Variants in PC observed in about 807,000 individuals in gnomAD.
PC encodes the protein pyruvate carboxylase, mitochondrial.
PC carries 46 observed loss-of-function variants against 107.8 expected under a neutral mutation model. The ratio of observed to expected loss-of-function variants is 0.43; its 90% CI spans 0.34 to 0.55. PC has a LOEUF of 0.55. Ranked by LOEUF, PC falls within the 20% of genes least tolerant of loss-of-function variation. PC has a pLI of 0.04. For missense variants in PC, 1,241 were observed against 1,643.1 expected (o/e 0.76, Z 4.23); for synonymous variants, 662 against 684.7 (o/e 0.97, Z 0.52).
Position 66,945,735 on chromosome 11 carries a change from A to G in PC, c.-1+6695T>C, listed in dbSNP as rs555343664. ...TAAGCTTCTCTAATTCCAGGAAAATATTAGATTAAATATAGACAAGGCTAG... is the reference window on the plus strand; with the variant it reads ...TAAGCTTCTCTAATTCCAGGAAAATGTTAGATTAAATATAGACAAGGCTAG... On this transcript the variant is annotated intron_variant, in intron 3 of 22. Coordinates refer to ENST00000393960, the MANE Select transcript of PC (RefSeq NM_001040716.2). 8.2e-4 allele frequency among the ~76,000 whole-genome samples: 98 copies of G among 119,004 alleles called. 31 individuals are homozygous for G. Among genetic ancestry groups the G allele is most frequent in the Admixed American group, 3.4e-3 (43 of 12,608 alleles). 78.1% of individuals were successfully genotyped at this position (119,004 alleles called of 152,430 possible).
At position 66,955,541 on chromosome 11, in the gene PC, T is replaced by C. The variant is rs990532492; in HGVS notation, c.-227-1105A>G. On this transcript the variant is annotated intron_variant, in intron 1 of 22. Transcript: ENST00000393960. The stretch of plus-strand genomic sequence containing the variant: ...AGGCGTTATGACACATGAGGGTACA[T>C]TGGGGTAAACTGAGGAAACTTTGGA... Among the ~76,000 whole-genome samples, 4 of 152,218 alleles carry C rather than the reference T, an allele frequency of 2.6e-5. 1 individual carries two copies. Among genetic ancestry groups the C allele is most frequent in the South Asian group, 2.1e-4 (1 of 4,820 alleles).
rs951578890 is a variant in PC, at chr11:66,866,541, G to C, written c.1023-192C>G. On this transcript the variant is annotated intron_variant, in intron 10 of 22. Transcript: ENST00000393960. The surrounding 1 kb of genome is among the most constrained non-coding windows in gnomAD (Gnocchi z 5.4). ...CACCAGCCCCTGCCCTGCTCCCGCC[G>C]GGAGCCGACTAAACTACACAGTGCC... 6.6e-6 allele frequency among the ~76,000 whole-genome samples: 1 copy of C among 152,136 alleles called. No individual in the cohort carries two copies. Among genetic ancestry groups the C allele is most frequent in the African/African-American group, 2.4e-5 (1 of 41,434 alleles).
intron 12 of PC, chr11:66,860,260 CG>C (rs1565229877): frequency 6.5e-6 from 10 of 1,534,874 alleles, no homozygotes; most frequent in African/African-American, 1.4e-5. Context: ...CCGGGGCCGC[CG>C]CCTGGCCTGG....
At chr11:66,939,804 C>CA (rs56761659) in intron 3 of PC, among the ~76,000 whole-genome samples, 19,356 of 40,118 alleles carry the variant, frequency 0.48, 3,737 homozygotes, top group Non-Finnish European at 0.52. Context: ...AACTCCGTCT[C>CA]AAAAAAAAAA....
At chr11:66,860,235 CGTG>C (rs1565229829) in intron 12 of PC, 1 of 1,538,996 alleles carries the variant, frequency 6.5e-7, no homozygotes, top group Admixed American at 2.0e-5. Context: ...GGATGAGCCT[CGTG>C]GGGCAGAGGG....
At chr11:66,878,298 A>G (rs928109317) in intron 3 of PC, among the ~76,000 whole-genome samples, 4 of 152,162 alleles carry the variant, frequency 2.6e-5, no homozygotes, top group African/African-American at 4.8e-5. Context: ...CTGCGACCAC[A>G]GGGGCACTTA....
At position 66,866,366 on chromosome 11, in the gene PC, G is replaced by A. The variant is rs762281683; in HGVS notation, c.1023-17C>T. The A allele has an allele frequency of 1.9e-6, 3 of 1,602,342 alleles. No individual in the cohort carries two copies. In the South Asian group the frequency reaches 3.3e-5, roughly 18 times the overall value. On this transcript the variant is annotated splice_polypyrimidine_tract_variant and intron_variant, in intron 10 of 22. Transcript: ENST00000393960. The surrounding 1 kb of genome is among the most constrained non-coding windows in gnomAD (Gnocchi z 5.4). ...AGGTCTACGCTGTAGGGCATTGGGG[G>A]GAGGGGGGAAAGGACGGGAGAAAGG... is the stretch of plus-strand genomic sequence containing the variant.
intron 3 of PC, among the ~76,000 whole-genome samples, chr11:66,948,518 C>T (rs1220868761): frequency 6.6e-6 from 1 of 152,138 alleles, no homozygotes; most frequent in Non-Finnish European, 1.5e-5. Context: ...TAAATATGTG[C>T]AACTTATTAT....
intron 18 of PC, 102 bp from the exon 19 acceptor site, chr11:66,850,566 G>A: frequency 5.0e-6 from 8 of 1,604,168 alleles, no homozygotes; most frequent in Non-Finnish European, 6.8e-6. Flanking sequence ...ACAGAAGGCG[G>A]CAAGGCCAGA....
chr11:66,938,711 T>C (rs1162587292), intron 3 of PC, among the ~76,000 whole-genome samples: 2 of 152,192 alleles, frequency 1.3e-5, no homozygotes, highest in Non-Finnish European at 1.5e-5. Flanking sequence ...TGTTTTATAA[T>C]ATATATTTTT....
intron 3 of PC, among the ~76,000 whole-genome samples, chr11:66,927,280 G>A (rs1948739549): frequency 6.8e-6 from 1 of 146,844 alleles, no homozygotes; most frequent in Non-Finnish European, 1.5e-5. Flanking sequence ...TCAAGGACTT[G>A]AACTCAGCAG....
chr11:66,948,766 G>A (rs1949367560), intron 3 of PC, among the ~76,000 whole-genome samples: 2 of 152,014 alleles, frequency 1.3e-5, no homozygotes, highest in African/African-American at 4.8e-5. Flanking sequence ...CCTGAGCCTA[G>A]GAGGTAGAGG....
In PC at chr11:66,852,064, G is replaced by C; in HGVS notation, c.1826-118C>G. On this transcript the variant is annotated intron_variant, in intron 15 of 22. Coordinates refer to ENST00000393960, the MANE Select transcript of PC (RefSeq NM_001040716.2). The surrounding 1 kb of genome is among the most constrained non-coding windows in gnomAD (Gnocchi z 4.7). ...CCAATACCAGGTCCTGCTCATCTTC[G>C]CCATACCTGTGTTCCCTGCTCCAAC... 1 of 1,049,892 alleles carries C rather than the reference G, an allele frequency of 9.5e-7. No homozygotes were observed. The highest frequency in any genetic ancestry group is 1.4e-6 in the Non-Finnish European group (1 of 700,784). 65.0% of individuals were successfully genotyped at this position (1,049,892 alleles called of 1,614,324 possible).
At chr11:66,936,392 T>C (rs1424583626) in intron 3 of PC, among the ~76,000 whole-genome samples, 1 of 152,086 alleles carries the variant, frequency 6.6e-6, no homozygotes, top group Non-Finnish European at 1.5e-5. Flanking sequence ...GGAGTAACAC[T>C]AGTTGAGATT....
At chr11:66,859,748 G>C (rs773772083) in intron 12 of PC, 3 of 1,609,078 alleles carry the variant, frequency 1.9e-6, no homozygotes, top group African/African-American at 1.3e-5. Flanking sequence ...CTGACCTCAC[G>C]GCCACCAGGC....
At chr11:66,908,503 T>C (rs1259740061) in intron 3 of PC, among the ~76,000 whole-genome samples, 1 of 152,130 alleles carries the variant, frequency 6.6e-6, no homozygotes, top group Non-Finnish European at 1.5e-5. Context: ...AGTGTTATCC[T>C]AAAGGGCACC....
At chr11:66,869,066 G>A (rs1323757859) in intron 9 of PC, 102 bp from the exon 10 acceptor site, 4 of 869,404 alleles carry the variant, frequency 4.6e-6, no homozygotes, top group Admixed American at 1.9e-5. Flanking sequence ...GGTTGGTTCC[G>A]TAAAAGAATG....
chr11:66,885,279 A>G (rs1947319703), intron 3 of PC, among the ~76,000 whole-genome samples: 1 of 152,184 alleles, frequency 6.6e-6, no homozygotes, highest in African/African-American at 2.4e-5. Context: ...ACCTGAGGTC[A>G]GGAGTTCAAG....
In PC at chr11:66,849,828, C is replaced by T. The variant is rs1945361947; in HGVS notation, c.2930G>A (p.Arg977Gln). ...CAGGGGAGGGAGGGAGGCTCCAGGC[C>T]GCCCCTCCACCCTTGGCAGGTCCTT... ...VLKDLPRVEG[R>Q]PGASLPPLDL... The change falls in exon 21 of 23, where the codon CGG (arginine) becomes CAG (glutamine). Residue 977 changes from arginine to glutamine, a missense_variant. Physicochemically the swap from Arg to Gln is conservative, Grantham distance 43. Transcript: ENST00000393960. 6 of 1,613,824 alleles carry T rather than the reference C, an allele frequency of 3.7e-6. No individual in the cohort carries two copies. The highest frequency in any genetic ancestry group is 2.2e-5 in the East Asian group (1 of 44,870).
Sources: gnomAD v4.1 joint callset for allele counts (sites outside exome capture counted in the v4.1 genomes callset) on GRCh38, gnomAD v4.1.1 for gene constraint, Gnocchi (gnomAD v3.1) non-coding constraint, MANE v1.5 for transcripts, NCBI Gene and HGNC (gene_info 2026-07-23, HGNC 2026-07-21) for gene names.